Variants in DNM1 observed in about 807,000 individuals in gnomAD.
DNM1 encodes the protein dynamin 1.
Under a neutral mutation model 104.6 loss-of-function variants are expected in DNM1, and 29 were observed. That is an observed-to-expected ratio of 0.28 (90% CI 0.21 to 0.38). The LOEUF (loss-of-function observed/expected upper bound fraction) is 0.38. Ranked by LOEUF, DNM1 falls within the 10% of genes least tolerant of loss-of-function variation. The probability of loss-of-function intolerance (pLI) is 1.00; values close to 1 mark genes in which losing one functional copy is unlikely to be tolerated. For missense variants in DNM1, 640 were observed against 1,189.4 expected, an observed-to-expected ratio of 0.54 and a Z score of 6.79; for synonymous variants, 445 against 475.8, an observed-to-expected ratio of 0.94 and a Z score of 0.84.
intron 15 of DNM1, chr9:128,244,949 T>TC (rs1480860838): frequency 3.2e-6 from 1 of 311,724 alleles, no homozygotes; most frequent in Non-Finnish European, 7.0e-6. Context: ...CAGCCCGTGG[T>TC]CCCCTCTCTG....
chr9:128,250,699 T>A (rs1213190568), intron 20 of DNM1, 26 bp from the exon 21 acceptor site: 1 of 1,454,886 alleles, frequency 6.9e-7, no homozygotes, highest in Non-Finnish European at 9.0e-7. Flanking sequence ...CGCCTCTCCT[T>A]GTTCCTCGCT....
At position 128,254,218 on chromosome 9, in the gene DNM1, C is replaced by G; in HGVS notation, c.2535-436C>G. On this transcript the variant is annotated intron_variant, in intron 21 of 21. Coordinates refer to ENST00000372923, the MANE Select transcript of DNM1 (RefSeq NM_004408.4). This position sits in a 1 kb window ranked among gnomAD's most constrained non-coding sequence, Gnocchi z 6.1. ...CCCTTTTAGTTTCACCCTCCTGGTT[C>G]AAGCAGTGTTCTTTCTCTATCAGGC... The G allele has an allele frequency of 7.4e-7, 1 of 1,348,804 alleles. No individual in the cohort carries two copies. The allele number at this position is 1,348,804 out of a possible 1,614,324, so 83.6% of individuals were successfully genotyped here.
chr9:128,236,966 C>T (rs1195831141), intron 11 of DNM1, among the ~76,000 whole-genome samples: 1 of 152,248 alleles, frequency 6.6e-6, no homozygotes, highest in African/African-American at 2.4e-5. Context: ...TCCTAAACCA[C>T]AAGCCTGCTG....
rs1833675966 is a variant in DNM1 at position 128,203,900 on chromosome 9, A to T, written c.161+269A>T. ...TCCGTCCCATCCTTTAGGGCAGACA[A>T]CGCTCTGCCAGAAGCCCCGGGCAAA... On this transcript the variant is annotated intron_variant, in intron 1 of 21. Transcript: ENST00000372923. The surrounding 1 kb of genome is among the most constrained non-coding windows in gnomAD (Gnocchi z 5.3). Among the ~76,000 whole-genome samples the T allele has an allele frequency of 6.6e-6, 1 of 151,820 alleles. No individual in the cohort carries two copies. The highest frequency in any genetic ancestry group is 2.4e-5 in the African/African-American group (1 of 41,332).
intron 14 of DNM1, 76 bp from the exon 15 acceptor site, chr9:128,242,156 C>T: frequency 1.2e-6 from 1 of 839,180 alleles, no homozygotes; most frequent in Non-Finnish European, 2.0e-6. Flanking sequence ...GTTTCGAATG[C>T]CTCTCTTTGC....
intron 1 of DNM1, among the ~76,000 whole-genome samples, chr9:128,212,472 T>G (rs965219704): frequency 1.3e-5 from 2 of 151,502 alleles, no homozygotes; most frequent in Admixed American, 6.6e-5. Context: ...AAGACCCGGC[T>G]GGAAGGAAGG....
chr9:128,221,517 T>C (rs1253605466), intron 6 of DNM1, among the ~76,000 whole-genome samples: 1 of 152,162 alleles, frequency 6.6e-6, no homozygotes, highest in African/African-American at 2.4e-5. Flanking sequence ...GTGCTAGAAC[T>C]TGAGAATGAC....
At position 128,253,202 on chromosome 9, in the gene DNM1, C is replaced by G. The variant is rs1340167990; in HGVS notation, c.2535-1452C>G. The G allele has an allele frequency of 1.9e-5, 29 of 1,522,044 alleles. No individual in the cohort carries two copies. Among genetic ancestry groups the G allele is most frequent in the Non-Finnish European group, 2.5e-5 (28 of 1,113,618 alleles). 94.3% of individuals were successfully genotyped at this position (1,522,044 alleles called of 1,614,324 possible). ...TCTGCCCCGCTGCACTAGCTCCACA[C>G]GGGGCGCGCACCTGGGACCTCAGAG... On this transcript the variant is annotated intron_variant, in intron 21 of 21. Transcript: ENST00000372923. The surrounding 1 kb of genome is among the most constrained non-coding windows in gnomAD (Gnocchi z 5.9).
Position 128,254,671 on chromosome 9 carries a change from G to T in DNM1, c.2552G>T (p.Ser851Ile). The T allele has an allele frequency of 6.3e-7, 1 of 1,596,140 alleles. No individual in the cohort carries two copies. The highest frequency in any genetic ancestry group is 1.1e-5 in the South Asian group (1 of 90,954). The change falls in exon 22 of 22, where the codon AGT becomes ATT. Residue 851 changes from serine (S) to isoleucine (I), a missense_variant. Physicochemically the swap from Ser to Ile is moderately radical, Grantham distance 142. This residue lies in a region of DNM1 where 37 missense variants were observed against 35.6 expected (regional missense o/e 1.04). Transcript: ENST00000372923. This position sits in a 1 kb window ranked among gnomAD's most constrained non-coding sequence, Gnocchi z 6.1. ...ACTGCCAGCCGATCGGGTCAGGCAA[G>T]TCCATCCCGTCCTGAGAGCCCCAGG... is the stretch of plus-strand genomic sequence containing the variant. ...PGVPSRSGQA[S>I]PSRPESPRPP...
At chr9:128,236,052 G>A (rs1835992451) in intron 11 of DNM1, among the ~76,000 whole-genome samples, 1 of 152,066 alleles carries the variant, frequency 6.6e-6, no homozygotes, top group South Asian at 2.1e-4. Context: ...CTATCCTTGT[G>A]GTCCTCTCTT....
intron 1 of DNM1, among the ~76,000 whole-genome samples, chr9:128,213,528 G>A (rs1834431345): frequency 6.6e-6 from 1 of 152,182 alleles, no homozygotes; most frequent in Admixed American, 6.5e-5. Context: ...TAGGAAGGAT[G>A]AGAAGATAAG....
In DNM1 at chr9:128,220,744, T is replaced by TGC. The variant is rs1564330707; in HGVS notation, c.849+404_849+405insCG. On this transcript the variant is annotated intron_variant, in intron 6 of 21. Coordinates refer to ENST00000372923, the MANE Select transcript of DNM1 (RefSeq NM_004408.4). The surrounding 1 kb of genome is among the most constrained non-coding windows in gnomAD (Gnocchi z 5.2). Reference sequence around the variant, plus strand: ...GAACTGAAGTGCGCGCGCGCGCGCGTGTGTGTGTGTGTGTGTGTGTGTGTC... The same window carrying TGC: ...GAACTGAAGTGCGCGCGCGCGCGCGTGCGTGTGTGTGTGTGTGTGTGTGTGTC... Among the ~76,000 whole-genome samples the TGC allele has an allele frequency of 5.7e-5, 5 of 87,372 alleles. No homozygotes were observed. Among genetic ancestry groups the TGC allele is most frequent in the East Asian group, 4.0e-4 (1 of 2,512 alleles). The allele number at this position is 87,372 out of a possible 152,430, so 57.3% of individuals were successfully genotyped here.
At position 128,243,632 on chromosome 9, in the gene DNM1, G is replaced by A. The variant is rs1240538136; in HGVS notation, c.1671+1287G>A. 2.0e-5 allele frequency among the ~76,000 whole-genome samples: 3 copies of A among 152,218 alleles called. No homozygotes were observed. Among genetic ancestry groups the A allele is most frequent in the African/African-American group, 7.2e-5 (3 of 41,480 alleles). On this transcript the variant is annotated intron_variant, in intron 15 of 21. Transcript: ENST00000372923. The surrounding 1 kb of genome is among the most constrained non-coding windows in gnomAD (Gnocchi z 4.0). Reference sequence around the variant, plus strand: ...GTGGCATGGGGTGCGGGTGGGGGGTGGCTTCCTGCCGGTCTCTCTGCAGGC... The same window carrying A: ...GTGGCATGGGGTGCGGGTGGGGGGTAGCTTCCTGCCGGTCTCTCTGCAGGC...
At position 128,203,737 on chromosome 9, in the gene DNM1, C is replaced by A; in HGVS notation, c.161+106C>A. ...CGACCTCGCAGCCCCCGACGCTGCA[C>A]CCGCGGCCGGCGCGCCCCCCACCCC... is the stretch of plus-strand genomic sequence containing the variant. On this transcript the variant is annotated intron_variant, in intron 1 of 21. Transcript: ENST00000372923. This position sits in a 1 kb window ranked among gnomAD's most constrained non-coding sequence, Gnocchi z 5.3. The A allele has an allele frequency of 9.0e-7, 1 of 1,116,546 alleles. No individual in the cohort carries two copies. Among genetic ancestry groups the A allele is most frequent in the South Asian group, 3.3e-5 (1 of 30,548 alleles). 69.2% of individuals were successfully genotyped at this position (1,116,546 alleles called of 1,614,324 possible). A position where few individuals can be genotyped will look rare whatever the true frequency, so the allele number is the denominator to read the frequency against.
chr9:128,224,472 C>A lies in DNM1; in HGVS notation c.1335+83C>A. Reference sequence around the variant, plus strand: ...AGGCGCTCCTTCCCCATGTCCCCCCCTGCCTCCTCGGTAGCATGTACAGAC... The same window carrying A: ...AGGCGCTCCTTCCCCATGTCCCCCCATGCCTCCTCGGTAGCATGTACAGAC... On this transcript the variant is annotated intron_variant, in intron 10 of 21. Transcript: ENST00000372923. This position sits in a 1 kb window ranked among gnomAD's most constrained non-coding sequence, Gnocchi z 4.3. 3 of 1,411,290 alleles carry A rather than the reference C, an allele frequency of 2.1e-6. No individual in the cohort carries two copies. Among genetic ancestry groups the A allele is most frequent in the Non-Finnish European group, 2.9e-6 (3 of 1,028,056 alleles). The allele number at this position is 1,411,290 out of a possible 1,614,324, so 87.4% of individuals were successfully genotyped here.
chr9:128,233,962 G>T (rs1226836863), intron 10 of DNM1, 59 bp from the exon 11 acceptor site: 2 of 1,476,326 alleles, frequency 1.4e-6, no homozygotes, highest in East Asian at 2.5e-5. Flanking sequence ...GTGGGGTGTG[G>T]GTGCTCCCTG....
intron 21 of DNM1, chr9:128,252,587 G>GT (rs1829595052): frequency 2.6e-6 from 1 of 390,678 alleles, no homozygotes; most frequent in East Asian, 7.2e-5. Flanking sequence ...TGTGGGCAGG[G>GT]TGGGGCGCAA....
In DNM1 at chr9:128,245,073, G is replaced by A. The variant is rs1321354493; in HGVS notation, c.1672-1321G>A. On this transcript the variant is annotated intron_variant, in intron 15 of 21. Transcript: ENST00000372923. The surrounding 1 kb of genome is among the most constrained non-coding windows in gnomAD (Gnocchi z 5.2). ...GGCAGGAAGGGAGGGGTGGGGGGAG[G>A]AGGCCGCTCCTACCTAGTGTCCAAC... The A allele has an allele frequency of 1.1e-5, 3 of 261,540 alleles. No homozygotes were observed. Among genetic ancestry groups the A allele is most frequent in the Non-Finnish European group, 2.4e-5 (3 of 126,120 alleles). 16.2% of individuals were successfully genotyped at this position (261,540 alleles called of 1,614,324 possible).
chr9:128,208,275 G>C (rs1011897832), intron 1 of DNM1, among the ~76,000 whole-genome samples: 2 of 152,004 alleles, frequency 1.3e-5, no homozygotes, highest in African/African-American at 2.4e-5. Flanking sequence ...GTCCAGGCTG[G>C]TCTCAACTCC....
Sources: allele counts gnomAD v4.1 joint callset (sites outside exome capture counted in the v4.1 genomes callset), GRCh38; gene constraint gnomAD v4.1.1; regional missense constraint gnomAD v4.1.1; non-coding constraint Gnocchi (gnomAD v3.1); transcripts MANE v1.5; gene names NCBI Gene and HGNC (gene_info 2026-07-23, HGNC 2026-07-21).